Variants in USP40 observed in about 807,000 individuals in gnomAD.
USP40 encodes the protein ubiquitin specific peptidase 40, also known as ubiquitin carboxyl-terminal hydrolase 40.
A neutral mutation model predicts 166.2 loss-of-function variants in USP40; 143 were observed. The ratio of observed to expected loss-of-function variants is 0.86; its 90% CI spans 0.75 to 0.99. USP40 has a LOEUF of 0.99. Ranked by LOEUF, USP40 falls within the 50% of genes least tolerant of loss-of-function variation. USP40 has a pLI of 0.00. For synonymous variants in USP40, 498 were observed against 524.0 expected (o/e 0.95, Z 0.68); for missense variants, 1,444 against 1,479.7 (o/e 0.98, Z 0.40).
rs905473825 is a variant in USP40 at position 233,529,449 on chromosome 2, A to G, written c.1535T>C (p.Ile512Thr). Residue 512 changes from isoleucine to threonine, a missense_variant, in exon 12 of 32, where the codon ATT becomes ACT. Ile to Thr is a moderately conservative substitution (Grantham distance 89). Coordinates refer to ENST00000678225, the MANE Select transcript of USP40 (RefSeq NM_001365479.2). ...HLLNEMDAAN[I>T]ELQTKRAECD... The stretch of plus-strand genomic sequence containing the variant: ...AAATTACCTTTTGGTTTGCAGTTCA[A>G]TGTTAGCTGCATCCATTTCATTCAG... 1 of 1,576,460 alleles carries G rather than the reference A, an allele frequency of 6.3e-7. No individual in the cohort carries two copies. Among genetic ancestry groups the G allele is most frequent in the Non-Finnish European group, 8.6e-7 (1 of 1,158,828 alleles).
intron 6 of USP40, among the ~76,000 whole-genome samples, chr2:233,553,407 T>C (rs1284266015): frequency 6.6e-6 from 1 of 152,108 alleles, no homozygotes; most frequent in Non-Finnish European, 1.5e-5. Flanking sequence ...CAGATGTCCA[T>C]CTCCCTTAGA....
At chr2:233,556,743 ATTACTT>A (rs1336943458) in intron 5 of USP40, 106 bp downstream of exon 5, 4 of 1,052,930 alleles carry the variant, frequency 3.8e-6, no homozygotes, top group Non-Finnish European at 5.1e-6. Flanking sequence ...AACTCAATAA[ATTACTT>A]TTAGTAATAA....
chr2:233,518,345 T>C (rs1191806234), intron 18 of USP40, among the ~76,000 whole-genome samples: 1 of 149,128 alleles, frequency 6.7e-6, no homozygotes, highest in Non-Finnish European at 1.5e-5. Flanking sequence ...GGTGGGCAGA[T>C]TACCTGAGGT....
chr2:233,491,628 GTGTGTGTC>G (rs1168660409), intron 25 of USP40, among the ~76,000 whole-genome samples: 10 of 151,536 alleles, frequency 6.6e-5, no homozygotes, highest in East Asian at 3.9e-4. Context: ...GTGTGTGTGT[GTGTGTGTC>G]TGTCTGTCTG....
At chr2:233,527,381 A>G in intron 13 of USP40, 26 bp downstream of exon 13, 2 of 1,607,776 alleles carry the variant, frequency 1.2e-6, no homozygotes, top group Non-Finnish European at 1.7e-6. Context: ...CGATGTCTGA[A>G]TTAAGAGGAA....
At chr2:233,512,474 A>C in intron 19 of USP40, 95 bp downstream of exon 19, 1 of 725,796 alleles carries the variant, frequency 1.4e-6, no homozygotes, top group East Asian at 3.2e-5. Context: ...AGTTTCCAAA[A>C]GGTAATTTTT....
intron 21 of USP40, among the ~76,000 whole-genome samples, chr2:233,503,388 G>C (rs2066210596): frequency 6.6e-6 from 1 of 152,080 alleles, no homozygotes; most frequent in African/African-American, 2.4e-5. Context: ...AAATTCCCAA[G>C]TCCAGGAGAG....
At chr2:233,490,294 C>G (rs1004919199) in intron 26 of USP40, among the ~76,000 whole-genome samples, 1 of 150,852 alleles carries the variant, frequency 6.6e-6, no homozygotes, top group Non-Finnish European at 1.5e-5. Context: ...CTCCGAGTAG[C>G]TGGGATTACA....
At chr2:233,520,747 A>G (rs1265078418) in intron 17 of USP40, among the ~76,000 whole-genome samples, 2 of 152,168 alleles carry the variant, frequency 1.3e-5, no homozygotes, top group Admixed American at 1.3e-4. Flanking sequence ...AACTAACTAA[A>G]TGAGTAACTC....
At position 233,489,421 on chromosome 2, in the gene USP40, C is replaced by G; in HGVS notation, c.3075G>C (p.Trp1025Cys). The G allele has an allele frequency of 6.2e-7, 1 of 1,606,870 alleles. No homozygotes were observed. The highest frequency in any genetic ancestry group is 8.5e-7 in the Non-Finnish European group (1 of 1,176,892). Residue 1025 changes from tryptophan to cysteine, a missense_variant, in exon 27 of 32, where the codon TGG becomes TGC. Coordinates refer to ENST00000678225, the MANE Select transcript of USP40 (RefSeq NM_001365479.2). Reference sequence around the variant, plus strand: ...TGCCTGGGCGCTTCCTCTCCACCGTCCAGGCTCTGAGGTGGGCTGGGGACG... The same window carrying G: ...TGCCTGGGCGCTTCCTCTCCACCGTGCAGGCTCTGAGGTGGGCTGGGGACG... The part of the protein sequence containing the change: ...GVPSPAHLRA[W>C]TVERKRPGRL...
chr2:233,491,892 C>T (rs1299394022), intron 25 of USP40, among the ~76,000 whole-genome samples: 1 of 152,208 alleles, frequency 6.6e-6, no homozygotes, highest in African/African-American at 2.4e-5. Flanking sequence ...ACTGTCTTCA[C>T]TTATTTTTGC....
rs1169511888 is a variant in USP40, at chr2:233,533,835, G to A, written c.1171-56C>T. ...TTAATTATTTAAACAAAAATTAGAT[G>A]TGATTAAAAAATGTTTTCTTCCTTT... On this transcript the variant is annotated intron_variant, in intron 10 of 31. Coordinates refer to ENST00000678225, the MANE Select transcript of USP40 (RefSeq NM_001365479.2). 3 of 1,429,148 alleles carry A rather than the reference G, an allele frequency of 2.1e-6. No homozygotes were observed. In the East Asian group the frequency reaches 7.5e-5, roughly 36 times the overall value. 88.5% of individuals were successfully genotyped at this position (1,429,148 alleles called of 1,614,324 possible).
In USP40 at chr2:233,492,114, T is replaced by G. The variant is rs188207951; in HGVS notation, c.2918-853A>C. ...TTGGTCAAAGACCACACATGTGATG[T>G]GATCCTATAAGATTATAATACTGTA... On this transcript the variant is annotated intron_variant, in intron 25 of 31. Transcript: ENST00000678225. 2.3e-3 allele frequency among the ~76,000 whole-genome samples: 343 copies of G among 152,388 alleles called. 4 individuals carry two copies. The highest frequency in any genetic ancestry group is 1.4e-3 in the Non-Finnish European group (95 of 68,044).
At chr2:233,516,243 T>C (rs1013114329) in intron 18 of USP40, among the ~76,000 whole-genome samples, 1 of 152,222 alleles carries the variant, frequency 6.6e-6, no homozygotes, top group African/African-American at 2.4e-5. Context: ...CTTCCAACTT[T>C]GTTCTCTTGT....
At position 233,566,765 on chromosome 2, in the gene USP40, G is replaced by C; in HGVS notation, c.-101C>G. 11 of 985,966 alleles carry C rather than the reference G, an allele frequency of 1.1e-5. No individual in the cohort carries two copies. Among genetic ancestry groups the C allele is most frequent in the Non-Finnish European group, 1.3e-5 (11 of 829,976 alleles). 61.1% of individuals were successfully genotyped at this position (985,966 alleles called of 1,614,324 possible). ...AACTGGGCGCCGCCATGTTGGCGAGGGCGGGTCTCCAGAAAGTGATTTATG... is the reference window on the plus strand; with the variant it reads ...AACTGGGCGCCGCCATGTTGGCGAGCGCGGGTCTCCAGAAAGTGATTTATG... On this transcript the variant is annotated 5_prime_UTR_variant, in exon 1 of 32. Coordinates refer to ENST00000678225, the MANE Select transcript of USP40 (RefSeq NM_001365479.2).
chr2:233,477,607 G>A (rs2064255172), intron 31 of USP40, 104 bp from the exon 32 acceptor site: 1 of 988,162 alleles, frequency 1.0e-6, no homozygotes, highest in African/African-American at 1.6e-5. Flanking sequence ...AGGCCACAAG[G>A]ACGTGCATTT....
chr2:233,476,976 G>C lies in USP40; in HGVS notation c.*416C>G, dbSNP rs1265281876. 1 of 320,012 alleles carries C rather than the reference G, an allele frequency of 3.1e-6. No homozygotes were observed. Among genetic ancestry groups the C allele is most frequent in the East Asian group, 8.8e-5 (1 of 11,414 alleles). The allele number at this position is 320,012 out of a possible 1,614,324, so 19.8% of individuals were successfully genotyped here. A position where few individuals can be genotyped will look rare whatever the true frequency, so the allele number is the denominator to read the frequency against. ...GACACTGTGAGAAGCCGGTCAGGGC[G>C]AACGAGAGTCATCTGAACACGGAGG... On this transcript the variant is annotated 3_prime_UTR_variant, in exon 32 of 32. Transcript: ENST00000678225.
At chr2:233,548,258 A>C (rs1386719745) in intron 8 of USP40, among the ~76,000 whole-genome samples, 1 of 152,204 alleles carries the variant, frequency 6.6e-6, no homozygotes, top group African/African-American at 2.4e-5. Context: ...CACTGTTTCA[A>C]AGAGCAACCA....
In USP40 at chr2:233,489,356, G is replaced by C. The variant is rs1203402361; in HGVS notation, c.3131+9C>G. On this transcript the variant is annotated intron_variant, in intron 27 of 31. Coordinates refer to ENST00000678225, the MANE Select transcript of USP40 (RefSeq NM_001365479.2). ...AGAGGGACAGTGTTGCGTCCAGCAAGGAACCTACCTGAGTGGCTGCCGGTC... is the reference window on the plus strand; with the variant it reads ...AGAGGGACAGTGTTGCGTCCAGCAACGAACCTACCTGAGTGGCTGCCGGTC... The C allele has an allele frequency of 6.3e-7, 1 of 1,577,460 alleles. No homozygotes were observed. Among genetic ancestry groups the C allele is most frequent in the Non-Finnish European group, 8.6e-7 (1 of 1,160,950 alleles).
Sources: allele counts gnomAD v4.1 joint callset (sites outside exome capture counted in the v4.1 genomes callset), GRCh38; gene constraint gnomAD v4.1.1; transcripts MANE v1.5; gene names NCBI Gene and HGNC (gene_info 2026-07-23, HGNC 2026-07-21).